The following INTS2 variants were observed in gnomAD, a reference collection of about 807,000 sequenced individuals.
INTS2 encodes the protein integrator complex subunit 2.
In INTS2, 57 loss-of-function variants were observed where a neutral mutation model predicts 139.6. The ratio of observed to expected loss-of-function variants is 0.41; its 90% CI spans 0.33 to 0.51. INTS2 has a LOEUF of 0.51. Among genes scored for constraint, INTS2 ranks in the 20% least tolerant of loss-of-function variants. The pLI is 0.28. For missense variants in INTS2, 1,196 were observed against 1,436.7 expected (o/e 0.83, Z 2.71); for synonymous variants, 473 against 493.4 (o/e 0.96, Z 0.55).
rs761350800 is a variant in INTS2 at position 61,897,433 on chromosome 17, C to CT, written c.1494+35dup. 0.051 allele frequency: 46,362 copies of CT among 907,214 alleles called. No individual in the cohort carries two copies. Among genetic ancestry groups the CT allele is most frequent in the South Asian group, 0.066 (3,217 of 48,554 alleles). 56.2% of individuals were successfully genotyped at this position (907,214 alleles called of 1,614,324 possible). A position where few individuals can be genotyped will look rare whatever the true frequency, so the allele number is the denominator to read the frequency against. ...AACAAAATGTCCAGCTTAGAAACAC[C>CT]TTTTTTTTTTTAGAAAGAAGTTAAA... is the stretch of plus-strand genomic sequence containing the variant. On this transcript the variant is annotated intron_variant, in intron 11 of 24. Coordinates refer to ENST00000251334, the MANE Select transcript of INTS2 (RefSeq NM_001351695.2). This position sits in a 1 kb window ranked among gnomAD's most constrained non-coding sequence, Gnocchi z 4.4.
chr17:61,923,539 T>C (rs2079674226), intron 3 of INTS2, among the ~76,000 whole-genome samples: 1 of 151,766 alleles, frequency 6.6e-6, no homozygotes, highest in East Asian at 1.9e-4. Context: ...CTACCAGTAT[T>C]TTCTATGAAA....
At position 61,921,837 on chromosome 17, in the gene INTS2, G is replaced by GAA; in HGVS notation, c.433-12_433-11dup. On this transcript the variant is annotated splice_polypyrimidine_tract_variant and intron_variant, in intron 3 of 24. Coordinates refer to ENST00000251334, the MANE Select transcript of INTS2 (RefSeq NM_001351695.2). ...CGTTGGACTCAGACACCTTAAAAAA[G>GAA]AAAAAAAAAAGATATAAACTCTATT... 2.4e-5 allele frequency: 30 copies of GAA among 1,232,426 alleles called. No homozygotes were observed. Among genetic ancestry groups the GAA allele is most frequent in the Middle Eastern group, 2.0e-4 (1 of 4,916 alleles). 76.3% of individuals were successfully genotyped at this position (1,232,426 alleles called of 1,614,324 possible).
rs1383306713 is a variant in INTS2 at position 61,925,086 on chromosome 17, C to T, written c.307G>A (p.Gly103Arg). ...ACCAGGATGCTCTCTCCACTGCCTC[C>T]TCCAAGTTTATGCCTAATGAAGTAC... is the stretch of plus-strand genomic sequence containing the variant. ...KEQQLRHKLG[G>R]GSGESILVSQ... is the part of the protein sequence containing the mutation. Residue 103 changes from glycine to arginine, a missense_variant, in exon 3 of 25, where the codon GGA becomes AGA. By Grantham distance (125) the Gly-to-Arg change is moderately radical. Around this residue, in one of 3 missense-constraint regions of INTS2, gnomAD observed 1,129 missense variants for 1,341.9 expected, o/e 0.84. Coordinates refer to ENST00000251334, the MANE Select transcript of INTS2 (RefSeq NM_001351695.2). 5 of 1,613,600 alleles carry T rather than the reference C, an allele frequency of 3.1e-6. No homozygotes were observed. The highest frequency in any genetic ancestry group is 4.2e-6 in the Non-Finnish European group (5 of 1,179,594).
At chr17:61,885,054 G>C in intron 15 of INTS2, 49 bp from the exon 16 acceptor site, 1 of 1,305,484 alleles carries the variant, frequency 7.7e-7, no homozygotes, top group Non-Finnish European at 1.1e-6. Flanking sequence ...AGAAACAACA[G>C]AAATCTTAAC....
intron 11 of INTS2, among the ~76,000 whole-genome samples, chr17:61,896,827 C>T (rs2079354786): frequency 6.6e-6 from 1 of 152,150 alleles, no homozygotes; most frequent in Admixed American, 6.5e-5. Flanking sequence ...TAAACTGATA[C>T]AATCTTTCGA....
intron 3 of INTS2, among the ~76,000 whole-genome samples, chr17:61,922,807 G>A (rs570732551): frequency 1.1e-3 from 173 of 152,154 alleles, no homozygotes; most frequent in African/African-American, 3.7e-3. Context: ...GCTGGGCATG[G>A]TGGCTCATGC....
At chr17:61,904,157 A>G (rs2079437000) in intron 9 of INTS2, among the ~76,000 whole-genome samples, 1 of 152,144 alleles carries the variant, frequency 6.6e-6, no homozygotes, top group South Asian at 2.1e-4. Flanking sequence ...AATACAAATA[A>G]GCTGGGCCAG....
At position 61,872,469 on chromosome 17, in the gene INTS2, G is replaced by A. The variant is rs1281541507; in HGVS notation, c.2583-9C>T. On this transcript the variant is annotated splice_polypyrimidine_tract_variant and intron_variant, in intron 19 of 24. Transcript: ENST00000251334. The surrounding 1 kb of genome is among the most constrained non-coding windows in gnomAD (Gnocchi z 4.8). ...CCATCAGTGGGGGGCATCTAAACAA[G>A]GAAAGCAGAAAAGAAAAATATATCA... 5 of 1,521,778 alleles carry A rather than the reference G, an allele frequency of 3.3e-6. No homozygotes were observed. Among genetic ancestry groups the A allele is most frequent in the South Asian group, 2.6e-5 (2 of 77,080 alleles). The allele number at this position is 1,521,778 out of a possible 1,614,324, so 94.3% of individuals were successfully genotyped here.
intron 3 of INTS2, among the ~76,000 whole-genome samples, chr17:61,923,477 C>CAAAAAAAAAAAAA (rs933124889): frequency 3.3e-5 from 1 of 30,680 alleles, no homozygotes; most frequent in Non-Finnish European, 6.0e-5. Flanking sequence ...ACTCTGTCTC[C>CAAAAAAAAAAAAA]AAAAAAAAAA....
chr17:61,908,311 A>G (rs1192054707), intron 7 of INTS2, among the ~76,000 whole-genome samples: 1 of 152,170 alleles, frequency 6.6e-6, no homozygotes, highest in African/African-American at 2.4e-5. Flanking sequence ...GCTACTTGGG[A>G]GGCTGAAGCA....
In INTS2 at chr17:61,897,348, T is replaced by A. The variant is rs73991952; in HGVS notation, c.1494+121A>T. On this transcript the variant is annotated intron_variant, in intron 11 of 24. Transcript: ENST00000251334. This position sits in a 1 kb window ranked among gnomAD's most constrained non-coding sequence, Gnocchi z 4.4. The stretch of plus-strand genomic sequence containing the variant: ...CAAAATGCATTTTTCTAAGCGCTCT[T>A]GATAAAACTTCTATTAAACAATTAA... 5.9e-5 allele frequency: 36 copies of A among 609,042 alleles called. No individual in the cohort carries two copies. The highest frequency in any genetic ancestry group is 5.9e-4 in the African/African-American group (31 of 52,860). 37.7% of individuals were successfully genotyped at this position (609,042 alleles called of 1,614,324 possible). A position where few individuals can be genotyped will look rare whatever the true frequency, so the allele number is the denominator to read the frequency against.
intron 17 of INTS2, among the ~76,000 whole-genome samples, chr17:61,878,720 T>C (rs72843744): frequency 6.1e-4 from 93 of 152,010 alleles, no homozygotes; most frequent in Non-Finnish European, 9.7e-4. Context: ...GGTAGGAGGA[T>C]TGCATGAGTC....
At chr17:61,881,986 T>C (rs370518335) in intron 16 of INTS2, among the ~76,000 whole-genome samples, 1 of 152,322 alleles carries the variant, frequency 6.6e-6, no homozygotes, top group East Asian at 1.9e-4. Flanking sequence ...CTATCATATA[T>C]GGTTTGGAAA....
intron 7 of INTS2, 96 bp downstream of exon 7, chr17:61,911,424 A>T: frequency 9.5e-7 from 1 of 1,049,144 alleles, no homozygotes; most frequent in Non-Finnish European, 1.3e-6. Context: ...TGTGAGAACC[A>T]CTTGTCTAAT....
At position 61,871,192 on chromosome 17, in the gene INTS2, C is replaced by T. The variant is rs1284526414; in HGVS notation, c.2778+1073G>A. ...CTGTAGTGCAGAGGCACGATCTCAGCTCACTGCAACCTCCGCCTCCCGGGT... is the reference window on the plus strand; with the variant it reads ...CTGTAGTGCAGAGGCACGATCTCAGTTCACTGCAACCTCCGCCTCCCGGGT... On this transcript the variant is annotated intron_variant, in intron 20 of 24. Coordinates refer to ENST00000251334, the MANE Select transcript of INTS2 (RefSeq NM_001351695.2). This position sits in a 1 kb window ranked among gnomAD's most constrained non-coding sequence, Gnocchi z 4.9. 6.6e-6 allele frequency among the ~76,000 whole-genome samples: 1 copy of T among 152,176 alleles called. No homozygotes were observed. The highest frequency in any genetic ancestry group is 2.4e-5 in the African/African-American group (1 of 41,430).
chr17:61,923,288 T>G (rs144205468), intron 3 of INTS2, among the ~76,000 whole-genome samples: 13 of 150,706 alleles, frequency 8.6e-5, no homozygotes, highest in Non-Finnish European at 4.4e-5. Context: ...CCATCCTGGC[T>G]AACACGGTGA....
chr17:61,872,542 T>A lies in INTS2; in HGVS notation c.2583-82A>T. The A allele has an allele frequency of 2.1e-6, 2 of 970,602 alleles. No individual in the cohort carries two copies. The highest frequency in any genetic ancestry group is 2.9e-6 in the Non-Finnish European group (2 of 688,810). The allele number at this position is 970,602 out of a possible 1,614,324, so 60.1% of individuals were successfully genotyped here. On this transcript the variant is annotated intron_variant, in intron 19 of 24. Transcript: ENST00000251334. This position sits in a 1 kb window ranked among gnomAD's most constrained non-coding sequence, Gnocchi z 4.8. The stretch of plus-strand genomic sequence containing the variant: ...TAGCCAGAACATGATCAATTTAGTT[T>A]AAATGCTGAGAAAAACCTGAGTAGT...
intron 8 of INTS2, among the ~76,000 whole-genome samples, chr17:61,906,021 C>T (rs1228358729): frequency 1.3e-5 from 2 of 152,142 alleles, no homozygotes; most frequent in Non-Finnish European, 2.9e-5. Context: ...TATTGGCCAA[C>T]TGTCTCTTCC....
Position 61,912,090 on chromosome 17 carries a change from C to G in INTS2, c.650-20G>C. The G allele has an allele frequency of 6.2e-7, 1 of 1,607,840 alleles. No individual in the cohort carries two copies. Among genetic ancestry groups the G allele is most frequent in the East Asian group, 2.2e-5 (1 of 44,812 alleles). ...TACAAACTAACATGATAGAAACCAT[C>G]TTCTTCAGCCTTCAGAATTAATTGT... On this transcript the variant is annotated intron_variant, in intron 5 of 24. Coordinates refer to ENST00000251334, the MANE Select transcript of INTS2 (RefSeq NM_001351695.2).
Sources: allele counts gnomAD v4.1 joint callset (sites outside exome capture counted in the v4.1 genomes callset), GRCh38; gene constraint gnomAD v4.1.1; regional missense constraint gnomAD v4.1.1; non-coding constraint Gnocchi (gnomAD v3.1); transcripts MANE v1.5; gene names NCBI Gene and HGNC (gene_info 2026-07-23, HGNC 2026-07-21).